EPHA4: variants seen among roughly 807,000 people sequenced by gnomAD.
The protein encoded by EPHA4 is ephrin type-A receptor 4.
A neutral mutation model predicts 108.3 loss-of-function variants in EPHA4; 19 were observed. The observed-to-expected ratio is 0.18, with a 90% CI of 0.12 to 0.26. The LOEUF is 0.26. Ranked by LOEUF, EPHA4 falls within the 10% of genes least tolerant of loss-of-function variation. EPHA4 has a pLI of 1.00. For missense variants in EPHA4, 917 were observed against 1,254.0 expected (o/e 0.73, Z 4.06); for synonymous variants, 449 against 455.5 (o/e 0.99, Z 0.18).
intron 3 of EPHA4, chr2:221,532,863 T>G (rs1693560292): frequency 6.6e-6 from 1 of 152,376 alleles, no homozygotes; most frequent in Non-Finnish European, 1.5e-5. Flanking sequence ...GCAGAAGCCC[T>G]CTGGGCCAGG....
chr2:221,563,685 C>A, intron 3 of EPHA4, 46 bp downstream of exon 3: 1 of 1,583,974 alleles, frequency 6.3e-7, no homozygotes, highest in Non-Finnish European at 8.6e-7. Flanking sequence ...GATTTAATTA[C>A]TCGCACTAAG....
intron 11 of EPHA4, among the ~76,000 whole-genome samples, chr2:221,442,505 T>C (rs1490712708): frequency 1.3e-5 from 2 of 152,214 alleles, no homozygotes; most frequent in Non-Finnish European, 2.9e-5. Flanking sequence ...GTACTTAAAT[T>C]TTATTTTGCT....
intron 17 of EPHA4, among the ~76,000 whole-genome samples, chr2:221,424,110 T>C (rs780954671): frequency 1.3e-5 from 2 of 149,302 alleles, no homozygotes; most frequent in Non-Finnish European, 3.0e-5. Flanking sequence ...TGAGACTTTG[T>C]CTCAAATAGT....
In EPHA4 at chr2:221,564,274, C is replaced by A. The variant is rs1453977925; in HGVS notation, c.280G>T (p.Ala94Ser). 1.2e-6 allele frequency: 2 copies of A among 1,614,172 alleles called. No individual in the cohort carries two copies. The highest frequency in any genetic ancestry group is 1.1e-5 in the South Asian group (1 of 91,076). ...TTAATCTCAATATACACCCTCTGAG[C>A]CCCTTCTCGGGTGATCCAATCAGTT... ...LRTDWITREG[A>S]QRVYIEIKFT... The change falls in exon 3 of 18, where the codon GCT becomes TCT. Residue 94 changes from alanine to serine, a missense_variant. Ala to Ser is a moderately conservative substitution (Grantham distance 99). Transcript: ENST00000281821.
intron 5 of EPHA4, among the ~76,000 whole-genome samples, chr2:221,468,248 C>T (rs762880173): frequency 6.6e-6 from 1 of 151,542 alleles, no homozygotes; most frequent in Admixed American, 6.6e-5. Flanking sequence ...AAAAAAGGCC[C>T]CCCAAAATTA....
chr2:221,477,580 A>AC (rs1351796508), intron 5 of EPHA4, among the ~76,000 whole-genome samples: 14 of 152,190 alleles, frequency 9.2e-5, no homozygotes, highest in Non-Finnish European at 1.9e-4. Flanking sequence ...CCCCCAATTT[A>AC]GAACAACTGT....
intron 4 of EPHA4, among the ~76,000 whole-genome samples, chr2:221,485,858 TA>T (rs35240345): frequency 0.42 from 63,940 of 151,856 alleles, 13,538 homozygotes; most frequent in East Asian, 0.52. Flanking sequence ...GGCCTGTAGT[TA>T]ATACCGAACT....
At chr2:221,515,437 T>TA (rs1336054091) in intron 3 of EPHA4, among the ~76,000 whole-genome samples, 2 of 152,200 alleles carry the variant, frequency 1.3e-5, no homozygotes, top group Non-Finnish European at 2.9e-5. Flanking sequence ...ATCTCATTAT[T>TA]AATTAGTCTT....
intron 5 of EPHA4, among the ~76,000 whole-genome samples, chr2:221,468,017 A>C (rs1691363903): frequency 6.6e-6 from 1 of 152,186 alleles, no homozygotes; most frequent in Non-Finnish European, 1.5e-5. Context: ...TAGCAACAAC[A>C]ACAAAAAATA....
chr2:221,482,873 C>T (rs564617850), intron 4 of EPHA4, among the ~76,000 whole-genome samples, 183 bp from the exon 5 acceptor site: 14 of 152,312 alleles, frequency 9.2e-5, no homozygotes, highest in African/African-American at 3.1e-4. Context: ...AAGGCTGTTA[C>T]GTGAGTGTCA....
chr2:221,543,033 T>C (rs1009317675), intron 3 of EPHA4, among the ~76,000 whole-genome samples: 4 of 152,234 alleles, frequency 2.6e-5, no homozygotes, highest in African/African-American at 9.6e-5. Flanking sequence ...TTTCTCGTTA[T>C]GTTTGTTTCA....
intron 2 of EPHA4, among the ~76,000 whole-genome samples, chr2:221,568,011 G>A (rs908746213): frequency 5.3e-5 from 8 of 152,206 alleles, no homozygotes; most frequent in African/African-American, 7.2e-5. Context: ...GAATGTGGCC[G>A]TTGACCTAGT....
chr2:221,457,522 T>A (rs942960558), intron 6 of EPHA4, among the ~76,000 whole-genome samples: 1 of 152,260 alleles, frequency 6.6e-6, no homozygotes, highest in Admixed American at 6.5e-5. Flanking sequence ...GCTATCTTGA[T>A]TTCCATTACT....
intron 3 of EPHA4, among the ~76,000 whole-genome samples, chr2:221,535,500 A>T (rs1693642411): frequency 6.6e-6 from 1 of 152,216 alleles, no homozygotes; most frequent in African/African-American, 2.4e-5. Flanking sequence ...AATAAACATT[A>T]TCGTCTTTTG....
intron 17 of EPHA4, among the ~76,000 whole-genome samples, chr2:221,421,271 G>A (rs4274588): frequency 0.47 from 70,820 of 150,934 alleles, 17,335 homozygotes; most frequent in African/African-American, 0.61. Flanking sequence ...CTGCTCTCCA[G>A]CCTGGGTGAC....
intron 5 of EPHA4, among the ~76,000 whole-genome samples, chr2:221,472,640 C>T (rs1350203519): frequency 1.3e-5 from 2 of 152,014 alleles, no homozygotes; most frequent in African/African-American, 4.8e-5. Flanking sequence ...AAACAAACTG[C>T]CTGAAAAAAT....
At position 221,420,852 on chromosome 2, in the gene EPHA4, A is replaced by G. The variant is rs372449419; in HGVS notation, c.*820-300T>C. ...GACTAAGTACCCTGCCCAATGCCAT[A>G]CCCTCTGGAGTGGCAAGGCTGGGAT... On this transcript the variant is annotated intron_variant, in intron 17 of 17. Coordinates refer to ENST00000281821, the MANE Select transcript of EPHA4 (RefSeq NM_004438.5). Among the ~76,000 whole-genome samples, 33 of 152,258 alleles carry G rather than the reference A, an allele frequency of 2.2e-4. No homozygotes were observed. The East Asian group carries it at 6.4e-3, about 29-fold the overall frequency.
intron 3 of EPHA4, among the ~76,000 whole-genome samples, chr2:221,530,858 G>A (rs1693493756): frequency 6.6e-6 from 1 of 152,114 alleles, no homozygotes; most frequent in African/African-American, 2.4e-5. Flanking sequence ...CTCCTCCACT[G>A]TGCTGTGGGC....
At chr2:221,520,989 A>T (rs1225132813) in intron 3 of EPHA4, among the ~76,000 whole-genome samples, 1 of 152,208 alleles carries the variant, frequency 6.6e-6, no homozygotes, top group Non-Finnish European at 1.5e-5. Context: ...GCTATAACTT[A>T]TGTTTTGTTA....
Sources: gnomAD v4.1 joint callset for allele counts (sites outside exome capture counted in the v4.1 genomes callset) on GRCh38, gnomAD v4.1.1 for gene constraint, MANE v1.5 for transcripts, NCBI Gene and HGNC (gene_info 2026-07-23, HGNC 2026-07-21) for gene names.